DGKH: variants seen among roughly 807,000 people sequenced by gnomAD.
DGKH encodes the protein diacylglycerol kinase eta, also known as DAG kinase eta.
A neutral mutation model predicts 159.3 loss-of-function variants in DGKH; 90 were observed. That is an observed-to-expected ratio of 0.57 (90% CI 0.48 to 0.67). The LOEUF is 0.67. DGKH is among the 30% of genes least tolerant of loss of function. The pLI is 0.00. For synonymous variants in DGKH, 536 were observed against 553.8 expected, an observed-to-expected ratio of 0.97 and a Z score of 0.45; for missense variants, 1,181 against 1,506.1, an observed-to-expected ratio of 0.78 and a Z score of 3.57.
intron 1 of DGKH, among the ~76,000 whole-genome samples, chr13:42,100,956 C>G (rs1954640860): frequency 6.6e-6 from 1 of 152,152 alleles, no homozygotes; most frequent in Non-Finnish European, 1.5e-5. Context: ...TTAAGCAAGT[C>G]TTTGTTTTCT....
chr13:42,152,467 AC>A (rs1955929941), intron 3 of DGKH, among the ~76,000 whole-genome samples: 1 of 150,314 alleles, frequency 6.7e-6, no homozygotes, highest in African/African-American at 2.4e-5. Flanking sequence ...ACATATATAT[AC>A]ATACACATGT....
intron 20 of DGKH, among the ~76,000 whole-genome samples, chr13:42,200,495 G>A (rs1288054785): frequency 2.0e-5 from 3 of 152,140 alleles, no homozygotes; most frequent in South Asian, 2.1e-4. Flanking sequence ...ATTAATTTCT[G>A]TGAATTTTAT....
At chr13:42,228,814 T>G (rs886444835) in intron 29 of DGKH, among the ~76,000 whole-genome samples, 3 of 151,818 alleles carry the variant, frequency 2.0e-5, no homozygotes, top group Non-Finnish European at 2.9e-5. Context: ...CAGTTAAGAG[T>G]TTATGTAGAA....
intron 29 of DGKH, among the ~76,000 whole-genome samples, chr13:42,226,746 AC>A (rs1186832805): frequency 6.6e-6 from 1 of 151,990 alleles, no homozygotes; most frequent in Non-Finnish European, 1.5e-5. Context: ...AATCCCAGCT[AC>A]TTGAGAGGCT....
chr13:42,182,532 C>T (rs1956793555), intron 13 of DGKH, among the ~76,000 whole-genome samples: 1 of 152,140 alleles, frequency 6.6e-6, no homozygotes, highest in Non-Finnish European at 1.5e-5. Flanking sequence ...ATACTTTAAT[C>T]ATCTCTAGAT....
At chr13:42,056,727 A>G (rs952575353) in intron 1 of DGKH, among the ~76,000 whole-genome samples, 1 of 152,170 alleles carries the variant, frequency 6.6e-6, no homozygotes, top group Non-Finnish European at 1.5e-5. Flanking sequence ...CTTCTTGGGC[A>G]GTGAAACTTT....
At position 42,155,408 on chromosome 13, in the gene DGKH, C is replaced by T. The variant is rs1377114124; in HGVS notation, c.489+13C>T. 1.9e-6 allele frequency: 3 copies of T among 1,602,082 alleles called. No individual in the cohort carries two copies. The highest frequency in any genetic ancestry group is 1.7e-5 in the Admixed American group (1 of 58,440). ...AGAACCCTACGAGGTAAAATAGCAT[C>T]TTTTCTTTCATCTCGTGTTCTTAGG... is the stretch of plus-strand genomic sequence containing the variant. On this transcript the variant is annotated intron_variant, in intron 4 of 29. Transcript: ENST00000337343.
At chr13:42,113,386 C>G (rs1193246702) in intron 1 of DGKH, among the ~76,000 whole-genome samples, 1 of 152,132 alleles carries the variant, frequency 6.6e-6, no homozygotes. Context: ...CCAATTGAAT[C>G]AAAGTGCATT....
At chr13:42,139,926 GC>G (rs149760624) in intron 3 of DGKH, among the ~76,000 whole-genome samples, 1,769 of 152,238 alleles carry the variant, frequency 0.012, 12 homozygotes, top group Non-Finnish European at 0.019. Flanking sequence ...CGAGGAACTC[GC>G]CTCCCAACTG....
intron 1 of DGKH, among the ~76,000 whole-genome samples, chr13:42,096,048 G>T (rs1390599662): frequency 6.6e-6 from 1 of 152,018 alleles, no homozygotes; most frequent in Non-Finnish European, 1.5e-5. Flanking sequence ...AGTAGTTTTA[G>T]GTCACAACAA....
At chr13:42,071,207 T>G (rs1484081574) in intron 1 of DGKH, 1 of 451,348 alleles carries the variant, frequency 2.2e-6, no homozygotes. Flanking sequence ...AAAATAATTA[T>G]GCTTCCACAG....
intron 3 of DGKH, among the ~76,000 whole-genome samples, chr13:42,134,993 A>G (rs760410071): frequency 1.1e-4 from 16 of 152,036 alleles, no homozygotes; most frequent in Non-Finnish European, 2.4e-4. Context: ...AAAGAAAGAA[A>G]CAGATATGAC....
intron 1 of DGKH, among the ~76,000 whole-genome samples, chr13:42,040,337 G>C (rs1880399780): frequency 6.6e-6 from 1 of 152,144 alleles, no homozygotes; most frequent in Non-Finnish European, 1.5e-5. Context: ...CCCAGCCCGG[G>C]CTTTCCTCGC....
At chr13:42,043,451 C>T (rs1009123153) in intron 1 of DGKH, among the ~76,000 whole-genome samples, 7 of 151,840 alleles carry the variant, frequency 4.6e-5, no homozygotes, top group Non-Finnish European at 1.0e-4. Flanking sequence ...GGGATCCTCC[C>T]GTCTCAGCCT....
chr13:42,131,523 G>C (rs139041735), intron 3 of DGKH, among the ~76,000 whole-genome samples: 2 of 152,158 alleles, frequency 1.3e-5, no homozygotes, highest in African/African-American at 4.8e-5. Context: ...TGAAATTGAA[G>C]GATAAGGTTA....
intron 1 of DGKH, chr13:42,069,769 T>C: frequency 1.8e-6 from 2 of 1,109,354 alleles, no homozygotes; most frequent in Admixed American, 4.6e-5. Flanking sequence ...ATTACAAGTA[T>C]GGCTACACTC....
chr13:42,087,105 A>T (rs60815570), intron 1 of DGKH, among the ~76,000 whole-genome samples: 1,914 of 142,682 alleles, frequency 0.013, 41 homozygotes, highest in African/African-American at 0.045. Context: ...AGTAGGCACA[A>T]CAATCCTTGA....
At chr13:42,102,468 C>A (rs568336175) in intron 1 of DGKH, among the ~76,000 whole-genome samples, 1 of 152,346 alleles carries the variant, frequency 6.6e-6, no homozygotes, top group East Asian at 1.9e-4. Flanking sequence ...GCCCAGCAGA[C>A]GCAGATGTTG....
intron 1 of DGKH, among the ~76,000 whole-genome samples, chr13:42,123,422 G>A (rs1348804476): frequency 6.6e-6 from 1 of 152,098 alleles, no homozygotes; most frequent in East Asian, 1.9e-4. Flanking sequence ...GATAATCTTT[G>A]TGACTTTGGG....
Sources: allele counts gnomAD v4.1 joint callset (sites outside exome capture counted in the v4.1 genomes callset), GRCh38; gene constraint gnomAD v4.1.1; transcripts MANE v1.5; gene names NCBI Gene and HGNC (gene_info 2026-07-23, HGNC 2026-07-21).